Variants in AGBL2 observed in about 807,000 individuals in gnomAD.
The protein encoded by AGBL2 is cytosolic carboxypeptidase 2.
AGBL2 carries 87 observed loss-of-function variants against 103.0 expected under a neutral mutation model. That is an observed-to-expected ratio of 0.84 (90% CI 0.71 to 1.01). The LOEUF (loss-of-function observed/expected upper bound fraction) is 1.01, where lower values mean the gene tolerates loss of function less well. Among genes scored for constraint, AGBL2 ranks in the 50% least tolerant of loss-of-function variants. The pLI, the probability that AGBL2 is intolerant of heterozygous loss-of-function variation, is 0.00. For synonymous variants in AGBL2, 335 were observed against 356.7 expected (o/e 0.94, Z 0.69); for missense variants, 904 against 1,023.5 (o/e 0.88, Z 1.59).
chr11:47,686,428 C>G (rs2097423808), intron 10 of AGBL2, among the ~76,000 whole-genome samples: 1 of 151,224 alleles, frequency 6.6e-6, no homozygotes, highest in African/African-American at 2.4e-5. Context: ...ACCAATACAC[C>G]CAGCTATTTT....
chr11:47,673,793 CAA>C (rs66460144), intron 14 of AGBL2, among the ~76,000 whole-genome samples: 147 of 75,838 alleles, frequency 1.9e-3, no homozygotes, highest in South Asian at 8.0e-3. Context: ...GACTCCATCT[CAA>C]AAAAAAAAAA....
intron 9 of AGBL2, 27 bp from the exon 10 acceptor site, chr11:47,690,885 T>G (rs893844250): frequency 6.4e-7 from 1 of 1,573,082 alleles, no homozygotes; most frequent in East Asian, 2.2e-5. Flanking sequence ...AGAACAACTC[T>G]GTAAGCTTAC....
At chr11:47,678,333 T>TTATTTTATTA (rs2097384762) in intron 13 of AGBL2, among the ~76,000 whole-genome samples, 1 of 73,550 alleles carries the variant, frequency 1.4e-5, no homozygotes, top group African/African-American at 3.4e-5. Flanking sequence ...TTATTTTATT[T>TTATTTTATTA]TATTATTTTA....
rs1190576859 is a variant in AGBL2, at chr11:47,690,722, T to A, written c.985A>T (p.Lys329Ter). 6.2e-7 allele frequency: 1 copy of A among 1,614,146 alleles called. No individual in the cohort carries two copies. Among genetic ancestry groups the A allele is most frequent in the African/African-American group, 1.3e-5 (1 of 75,044 alleles). Residue 329 changes from lysine (K) to a stop codon, truncating the protein, a stop_gained, in exon 10 of 19, where the codon AAG becomes TAG. Transcript: ENST00000525123. LOFTEE classifies it high-confidence loss of function. ...TTCATCCCTACAGTATAAAGACTCT[T>A]GGGTTTTAGCAAGTTGACAATGGTG... ...RFTIVNLLKP[K>*]SLYTVGMKPL...
chr11:47,683,079 G>A (rs538085024), intron 11 of AGBL2, among the ~76,000 whole-genome samples: 6 of 152,154 alleles, frequency 3.9e-5, no homozygotes, highest in Admixed American at 1.3e-4. Context: ...AGAAGAGAAA[G>A]AGAAAGAGAG....
intron 2 of AGBL2, 133 bp downstream of exon 2, chr11:47,714,485 G>T: frequency 7.6e-7 from 1 of 1,308,610 alleles, no homozygotes; most frequent in African/African-American, 1.5e-5. Context: ...TCTATCGTGG[G>T]GATCAAGATC....
intron 9 of AGBL2, among the ~76,000 whole-genome samples, chr11:47,691,095 T>C (rs1414894797): frequency 2.8e-5 from 1 of 35,484 alleles, no homozygotes; most frequent in Non-Finnish European, 6.9e-5. Context: ...CTCTACTAAA[T>C]ATACAAAAAA....
chr11:47,696,287 G>C (rs908025269), intron 8 of AGBL2, among the ~76,000 whole-genome samples: 5 of 151,662 alleles, frequency 3.3e-5, no homozygotes, highest in Admixed American at 3.3e-4. Flanking sequence ...TTTTGAGACA[G>C]AGTCTTGCTG....
intron 11 of AGBL2, among the ~76,000 whole-genome samples, chr11:47,683,646 C>T (rs988501663): frequency 1.3e-5 from 2 of 151,490 alleles, no homozygotes; most frequent in Non-Finnish European, 2.9e-5. Context: ...GTAGCTTGTG[C>T]CTGTAATCCC....
chr11:47,682,853 C>A (rs759982726), intron 11 of AGBL2, among the ~76,000 whole-genome samples: 25 of 152,054 alleles, frequency 1.6e-4, no homozygotes, highest in Non-Finnish European at 1.5e-5. Flanking sequence ...ATTGAGGAGC[C>A]TCAGGGCATT....
intron 14 of AGBL2, among the ~76,000 whole-genome samples, chr11:47,676,899 C>T (rs2097377578): frequency 6.6e-6 from 1 of 152,068 alleles, no homozygotes; most frequent in Non-Finnish European, 1.5e-5. Flanking sequence ...TTTCCATCTC[C>T]GTTGGAGTGA....
intron 11 of AGBL2, among the ~76,000 whole-genome samples, chr11:47,684,338 CG>C (rs1433003181): frequency 6.6e-6 from 1 of 151,762 alleles, no homozygotes; most frequent in Non-Finnish European, 1.5e-5. Flanking sequence ...GAGGCTGAGG[CG>C]GGTGGTCAGG....
intron 15 of AGBL2, among the ~76,000 whole-genome samples, chr11:47,668,429 G>A (rs981156944): frequency 3.3e-5 from 5 of 151,708 alleles, no homozygotes; most frequent in South Asian, 2.1e-4. Context: ...CCCAGAAGGC[G>A]GAAGTTTGCG....
intron 9 of AGBL2, among the ~76,000 whole-genome samples, chr11:47,691,704 T>A (rs2097446235): frequency 3.7e-4 from 1 of 2,692 alleles, no homozygotes. Context: ...AGAGACTCCA[T>A]CTCAAGAAAA....
At chr11:47,667,128 AC>A (rs1184302844) in intron 16 of AGBL2, 65 bp from the exon 17 acceptor site, 1 of 1,129,218 alleles carries the variant, frequency 8.9e-7, no homozygotes, top group African/African-American at 1.6e-5. Context: ...AATTTACCCA[AC>A]AGCAAAACTT....
Position 47,685,913 on chromosome 11 carries a change from A to C in AGBL2, c.1768T>G (p.Cys590Gly), listed in dbSNP as rs550466607. 1 of 1,613,824 alleles carries C rather than the reference A, an allele frequency of 6.2e-7. No homozygotes were observed. The highest frequency in any genetic ancestry group is 1.1e-5 in the South Asian group (1 of 90,992). The stretch of plus-strand genomic sequence containing the variant: ...CTTACCTTATCTGGTGCATTTTTGC[A>C]TAACATTAAAGGAAAGACTCGTTCA... Reference protein sequence around the residue: ...LHERVFPLMLCKNAPDKFSFH... With the variant: ...LHERVFPLMLGKNAPDKFSFH... The change falls in exon 11 of 19, where the codon TGC (cysteine) becomes GGC (glycine). Residue 590 changes from cysteine (C) to glycine (G), a missense_variant. Cys to Gly is a radical substitution (Grantham distance 159, BLOSUM62 -3). Transcript: ENST00000525123.
At chr11:47,694,672 C>G (rs1009663115) in intron 8 of AGBL2, among the ~76,000 whole-genome samples, 1 of 152,154 alleles carries the variant, frequency 6.6e-6, no homozygotes, top group African/African-American at 2.4e-5. Context: ...AGTCTTTCCT[C>G]TGGCTCCTCA....
chr11:47,689,439 G>C (rs2153804187), intron 10 of AGBL2, among the ~76,000 whole-genome samples: 1 of 151,822 alleles, frequency 6.6e-6, no homozygotes. Flanking sequence ...TCAGTAGCTG[G>C]GATTACAGGC....
chr11:47,697,188 C>A (rs943789459), intron 8 of AGBL2, among the ~76,000 whole-genome samples: 17 of 151,852 alleles, frequency 1.1e-4, no homozygotes, highest in Non-Finnish European at 4.4e-5. Flanking sequence ...CTCAGCCTCC[C>A]AAAGTGCTAG....
Sources: gnomAD v4.1 joint callset for allele counts (sites outside exome capture counted in the v4.1 genomes callset) on GRCh38, gnomAD v4.1.1 for gene constraint, MANE v1.5 for transcripts, NCBI Gene and HGNC (gene_info 2026-07-23, HGNC 2026-07-21) for gene names.